The following GRK5 variants were observed in gnomAD, a reference collection of about 807,000 sequenced individuals.
GRK5 encodes the protein G protein-coupled receptor kinase 5, also known as g protein-coupled receptor kinase GRK5.
In GRK5, 40 loss-of-function variants were observed where a neutral mutation model predicts 78.4. That is an observed-to-expected ratio of 0.51 (90% CI 0.40 to 0.66). The LOEUF is 0.66. Among genes scored for constraint, GRK5 ranks in the 30% least tolerant of loss-of-function variants. The pLI is 0.00. For missense variants in GRK5, 598 were observed against 759.9 expected, an observed-to-expected ratio of 0.79 and a Z score of 2.50; for synonymous variants, 289 against 296.8, an observed-to-expected ratio of 0.97 and a Z score of 0.27.
chr10:119,404,670 C>T (rs752955494), intron 4 of GRK5, among the ~76,000 whole-genome samples: 9 of 152,214 alleles, frequency 5.9e-5, no homozygotes, highest in Non-Finnish European at 1.2e-4. Context: ...CCCCATGACC[C>T]GGTCTTCCTT....
At chr10:119,426,394 G>A (rs548329184) in intron 6 of GRK5, among the ~76,000 whole-genome samples, 6 of 152,200 alleles carry the variant, frequency 3.9e-5, no homozygotes, top group African/African-American at 1.4e-4. Context: ...GCAAAGGATT[G>A]GCCTAGACAT....
intron 1 of GRK5, among the ~76,000 whole-genome samples, chr10:119,310,575 TC>T (rs1850341609): frequency 6.6e-6 from 1 of 152,234 alleles, no homozygotes; most frequent in Non-Finnish European, 1.5e-5. Flanking sequence ...TTTTTCCAGT[TC>T]TGCTACTTCT....
intron 5 of GRK5, 67 bp from the exon 6 acceptor site, chr10:119,424,926 C>A: frequency 8.8e-7 from 1 of 1,142,100 alleles, no homozygotes; most frequent in Non-Finnish European, 1.3e-6. Flanking sequence ...AAGCTGGACA[C>A]AGCTTTGCCC....
At chr10:119,360,225 C>T (rs1204714782) in intron 2 of GRK5, among the ~76,000 whole-genome samples, 1 of 152,186 alleles carries the variant, frequency 6.6e-6, no homozygotes, top group Non-Finnish European at 1.5e-5. Context: ...CTTCCTGTTT[C>T]TCATGTTTCC....
In GRK5 at chr10:119,319,093, G is replaced by A. The variant is rs568585529; in HGVS notation, c.53-7423G>A. 1.2e-4 allele frequency among the ~76,000 whole-genome samples: 18 copies of A among 152,222 alleles called. No individual in the cohort carries two copies. The South Asian group carries it at 3.3e-3, about 28-fold the overall frequency. On this transcript the variant is annotated intron_variant, in intron 1 of 15. Coordinates refer to ENST00000392870, the MANE Select transcript of GRK5 (RefSeq NM_005308.3). The stretch of plus-strand genomic sequence containing the variant: ...TGATAGGACATGCCCTCCTCCTGCG[G>A]GGCCCCCACCCTCCTTTGTTGGCCA...
chr10:119,416,558 C>A (rs1323903066), intron 4 of GRK5, among the ~76,000 whole-genome samples: 2 of 151,180 alleles, frequency 1.3e-5, no homozygotes, highest in Non-Finnish European at 2.9e-5. Flanking sequence ...CTCTCTAGGG[C>A]TCCCTCTCGA....
chr10:119,439,211 G>T (rs563974871), intron 9 of GRK5, among the ~76,000 whole-genome samples: 1 of 152,378 alleles, frequency 6.6e-6, no homozygotes, highest in South Asian at 2.1e-4. Context: ...CCTATGCCAT[G>T]CCCCGTAGCT....
At chr10:119,384,999 C>T (rs144453019) in intron 3 of GRK5, among the ~76,000 whole-genome samples, 32 of 152,226 alleles carry the variant, frequency 2.1e-4, no homozygotes, top group African/African-American at 6.3e-4. Context: ...CGACATTTGA[C>T]TGAGGACCAG....
chr10:119,442,456 C>G (rs1171792769), intron 11 of GRK5, among the ~76,000 whole-genome samples: 1 of 152,204 alleles, frequency 6.6e-6, no homozygotes, highest in East Asian at 1.9e-4. Context: ...CACAAGAGCC[C>G]GCAAATGAGA....
chr10:119,360,473 G>A (rs1851342631), intron 2 of GRK5, among the ~76,000 whole-genome samples: 1 of 133,160 alleles, frequency 7.5e-6, no homozygotes, highest in Non-Finnish European at 1.5e-5. Context: ...AGGAGTCTGT[G>A]TGAGTGGGAG....
chr10:119,393,441 C>A (rs1851919132), intron 3 of GRK5, among the ~76,000 whole-genome samples: 1 of 152,240 alleles, frequency 6.6e-6, no homozygotes, highest in Non-Finnish European at 1.5e-5. Context: ...GATTAGTGAG[C>A]CCCAGGCCTC....
chr10:119,267,533 C>T lies in GRK5; in HGVS notation c.53-58983C>T, dbSNP rs1849519798. On this transcript the variant is annotated intron_variant, in intron 1 of 15. Transcript: ENST00000392870. The surrounding 1 kb of genome is among the most constrained non-coding windows in gnomAD (Gnocchi z 4.1). ...CAAGGGATTCCCACCCTGGGTTGGGCAGCCCTCTCCACAGGATGGCAAGGG... is the reference window on the plus strand; with the variant it reads ...CAAGGGATTCCCACCCTGGGTTGGGTAGCCCTCTCCACAGGATGGCAAGGG... Among the ~76,000 whole-genome samples the T allele has an allele frequency of 6.6e-6, 1 of 152,224 alleles. No homozygotes were observed. The highest frequency in any genetic ancestry group is 6.5e-5 in the Admixed American group (1 of 15,290).
intron 13 of GRK5, among the ~76,000 whole-genome samples, chr10:119,451,240 G>T (rs1274589230): frequency 2.0e-5 from 3 of 151,506 alleles, no homozygotes; most frequent in Admixed American, 1.3e-4. Flanking sequence ...CACTTCCATT[G>T]ACTCTTTTTT....
chr10:119,303,566 G>A lies in GRK5; in HGVS notation c.53-22950G>A, dbSNP rs373177523. On this transcript the variant is annotated intron_variant, in intron 1 of 15. Transcript: ENST00000392870. Reference sequence around the variant, plus strand: ...GGCATAGTGGTTGTGGGGGAGTCACGGGAGGCATTTGGACTTGATTCTAAA... The same window carrying A: ...GGCATAGTGGTTGTGGGGGAGTCACAGGAGGCATTTGGACTTGATTCTAAA... 2.0e-4 allele frequency among the ~76,000 whole-genome samples: 31 copies of A among 152,294 alleles called. No individual in the cohort carries two copies. In the East Asian group the frequency reaches 5.2e-3, roughly 26 times the overall value.
Position 119,378,341 on chromosome 10 carries a change from T to C in GRK5, c.149-2474T>C, listed in dbSNP as rs1434683286. On this transcript the variant is annotated intron_variant, in intron 2 of 15. Transcript: ENST00000392870. The surrounding 1 kb of genome is among the most constrained non-coding windows in gnomAD (Gnocchi z 4.5). Reference sequence around the variant, plus strand: ...AGTTTAGGCTGCAGTCCAGGGCTAGTTGGAGCCACAAAACCATTTGAGAGT... The same window carrying C: ...AGTTTAGGCTGCAGTCCAGGGCTAGCTGGAGCCACAAAACCATTTGAGAGT... Among the ~76,000 whole-genome samples, 1 of 152,172 alleles carries C rather than the reference T, an allele frequency of 6.6e-6. No homozygotes were observed. Among genetic ancestry groups the C allele is most frequent in the Admixed American group, 6.5e-5 (1 of 15,276 alleles).
intron 4 of GRK5, among the ~76,000 whole-genome samples, chr10:119,410,163 C>A (rs185655358): frequency 6.6e-6 from 1 of 152,244 alleles, no homozygotes; most frequent in Admixed American, 6.5e-5. Context: ...ACTCCACGTC[C>A]GGGCACATTG....
intron 8 of GRK5, among the ~76,000 whole-genome samples, chr10:119,435,504 G>T (rs997254222): frequency 6.6e-6 from 1 of 152,210 alleles, no homozygotes; most frequent in African/African-American, 2.4e-5. Flanking sequence ...GGGGCAAAAT[G>T]CCAGCAGTTT....
chr10:119,400,654 G>A (rs866538146), intron 4 of GRK5, among the ~76,000 whole-genome samples: 4 of 152,286 alleles, frequency 2.6e-5, no homozygotes, highest in Middle Eastern at 6.8e-3. Flanking sequence ...GTAGGCCCTG[G>A]GAAGCCATGT....
chr10:119,240,916 C>T (rs2133739790), intron 1 of GRK5, among the ~76,000 whole-genome samples: 1 of 152,288 alleles, frequency 6.6e-6, no homozygotes, highest in East Asian at 1.9e-4. Context: ...GGCAAAAGGA[C>T]CATGACTGAA....
Sources: allele counts gnomAD v4.1 joint callset (sites outside exome capture counted in the v4.1 genomes callset), GRCh38; gene constraint gnomAD v4.1.1; non-coding constraint Gnocchi (gnomAD v3.1); transcripts MANE v1.5; gene names NCBI Gene and HGNC (gene_info 2026-07-23, HGNC 2026-07-21).